Variants in GABRG3 observed in about 807,000 individuals in gnomAD.
GABRG3 encodes gamma-aminobutyric acid type A receptor subunit gamma3.
GABRG3 carries 25 observed loss-of-function variants against 48.8 expected under a neutral mutation model. That is an observed-to-expected ratio of 0.51 (90% CI 0.37 to 0.72). The LOEUF is 0.72. Ranked by LOEUF, GABRG3 falls within the 30% of genes least tolerant of loss-of-function variation. The pLI is 0.00. For missense variants in GABRG3, 394 were observed against 577.9 expected (o/e 0.68, Z 3.26); for synonymous variants, 227 against 217.6 (o/e 1.04, Z -0.38).
chr15:27,107,306 G>A (rs1238230171), intron 3 of GABRG3, among the ~76,000 whole-genome samples: 4 of 151,942 alleles, frequency 2.6e-5, no homozygotes, highest in Non-Finnish European at 5.9e-5. Context: ...CTGCATCAGT[G>A]GGTAGAATCG....
At chr15:27,420,471 T>G (rs2140610021) in intron 5 of GABRG3, among the ~76,000 whole-genome samples, 1 of 152,286 alleles carries the variant, frequency 6.6e-6, no homozygotes, top group African/African-American at 2.4e-5. Flanking sequence ...GGACACCCAG[T>G]GACTATGGTT....
chr15:27,478,227 C>G (rs952544436), intron 5 of GABRG3, among the ~76,000 whole-genome samples: 1 of 152,030 alleles, frequency 6.6e-6, no homozygotes, highest in African/African-American at 2.4e-5. Flanking sequence ...AGATGAACCA[C>G]AGAAAGGGAG....
At chr15:27,216,911 A>C (rs1367021653) in intron 3 of GABRG3, among the ~76,000 whole-genome samples, 1 of 146,174 alleles carries the variant, frequency 6.8e-6, no homozygotes, top group Admixed American at 6.9e-5. Flanking sequence ...ATATCTCCCA[A>C]TGCTATCCCT....
chr15:27,351,542 GTGTA>G (rs2140537043), intron 5 of GABRG3, among the ~76,000 whole-genome samples: 1 of 148,134 alleles, frequency 6.8e-6, no homozygotes, highest in South Asian at 2.2e-4. Flanking sequence ...GTGTTGGTGT[GTGTA>G]TGGTGTTTGT....
At chr15:27,036,491 A>C (rs1348215967) in intron 3 of GABRG3, among the ~76,000 whole-genome samples, 1 of 152,136 alleles carries the variant, frequency 6.6e-6, no homozygotes, top group Non-Finnish European at 1.5e-5. Flanking sequence ...GGAGTTGGAG[A>C]CCAGCCTGAC....
intron 3 of GABRG3, among the ~76,000 whole-genome samples, chr15:27,086,685 T>A (rs1897082562): frequency 6.6e-6 from 1 of 152,252 alleles, no homozygotes; most frequent in Admixed American, 6.5e-5. Context: ...GAATTGCTGC[T>A]GCTTAGGTAA....
intron 5 of GABRG3, among the ~76,000 whole-genome samples, chr15:27,357,413 A>G (rs1894877568): frequency 6.6e-6 from 1 of 152,242 alleles, no homozygotes; most frequent in Non-Finnish European, 1.5e-5. Context: ...GCTCTTAAAC[A>G]TTATTGGAAC....
intron 6 of GABRG3, among the ~76,000 whole-genome samples, chr15:27,487,303 G>A (rs1044556158): frequency 6.6e-6 from 1 of 152,146 alleles, no homozygotes; most frequent in Non-Finnish European, 1.5e-5. Context: ...CATGGGACCT[G>A]AATAAATTAT....
At chr15:27,174,705 A>G (rs6606882) in intron 3 of GABRG3, among the ~76,000 whole-genome samples, 82,801 of 151,656 alleles carry the variant, frequency 0.55, 23,279 homozygotes, top group African/African-American at 0.68. Context: ...ATTACTCTAT[A>G]TGATTCTCAG....
At chr15:27,048,202 C>A in intron 3 of GABRG3, among the ~76,000 whole-genome samples, 1 of 152,112 alleles carries the variant, frequency 6.6e-6, no homozygotes, top group Non-Finnish European at 1.5e-5. Context: ...AGGCTGTGTG[C>A]CTCTCATGTG....
intron 3 of GABRG3, among the ~76,000 whole-genome samples, chr15:27,106,876 A>G (rs541879494): frequency 6.6e-6 from 1 of 152,228 alleles, no homozygotes; most frequent in South Asian, 2.1e-4. Context: ...TCAGGGTTCA[A>G]TAAACAATCT....
chr15:27,440,353 A>G (rs1419506320), intron 5 of GABRG3, among the ~76,000 whole-genome samples: 3 of 152,198 alleles, frequency 2.0e-5, no homozygotes, highest in Admixed American at 6.5e-5. Context: ...TCATGTGTAT[A>G]TATTTGAGGT....
chr15:27,115,104 C>T (rs1180807317), intron 3 of GABRG3, among the ~76,000 whole-genome samples: 1 of 151,878 alleles, frequency 6.6e-6, no homozygotes, highest in Non-Finnish European at 1.5e-5. Context: ...AAGTGAGCTA[C>T]TTCTGTAATT....
rs1341160012 is a variant in GABRG3, at chr15:27,447,197, T to A, written c.575-33453T>A. On this transcript the variant is annotated intron_variant, in intron 5 of 9. Coordinates refer to ENST00000615808, the MANE Select transcript of GABRG3 (RefSeq NM_033223.5). This position sits in a 1 kb window ranked among gnomAD's most constrained non-coding sequence, Gnocchi z 4.0. ...GTAAGGCAAGGCTTGGGAAGAAGGTTCCCATTCCAACCAGAGACATAATTA... is the reference window on the plus strand; with the variant it reads ...GTAAGGCAAGGCTTGGGAAGAAGGTACCCATTCCAACCAGAGACATAATTA... Among the ~76,000 whole-genome samples, 1 of 152,052 alleles carries A rather than the reference T, an allele frequency of 6.6e-6. No homozygotes were observed. The highest frequency in any genetic ancestry group is 1.9e-4 in the East Asian group (1 of 5,186).
intron 3 of GABRG3, among the ~76,000 whole-genome samples, chr15:27,159,569 C>T (rs1433420369): frequency 1.3e-5 from 2 of 152,000 alleles, no homozygotes; most frequent in African/African-American, 2.4e-5. Flanking sequence ...TATTTTCCAT[C>T]ATGTTCCTAG....
chr15:27,376,462 C>G (rs1895599358), intron 5 of GABRG3, among the ~76,000 whole-genome samples: 1 of 152,202 alleles, frequency 6.6e-6, no homozygotes, highest in South Asian at 2.1e-4. Flanking sequence ...CATGAGGGCC[C>G]CACCCCTACA....
At chr15:27,308,251 CAT>C (rs368164545) in intron 3 of GABRG3, among the ~76,000 whole-genome samples, 1 of 115,146 alleles carries the variant, frequency 8.7e-6, no homozygotes, top group Non-Finnish European at 1.8e-5. Flanking sequence ...CATATATAAA[CAT>C]ACGTTTATAT....
At chr15:27,339,205 C>T (rs759874868) in intron 5 of GABRG3, among the ~76,000 whole-genome samples, 2 of 152,200 alleles carry the variant, frequency 1.3e-5, no homozygotes, top group Non-Finnish European at 2.9e-5. Context: ...GTGTGGACAT[C>T]CAAAAGGAAG....
At chr15:27,120,387 C>G (rs1343097553) in intron 3 of GABRG3, among the ~76,000 whole-genome samples, 1 of 152,156 alleles carries the variant, frequency 6.6e-6, no homozygotes, top group East Asian at 1.9e-4. Context: ...TGGCTGGCCT[C>G]TGGTGACATT....
Sources: allele counts gnomAD v4.1 joint callset (sites outside exome capture counted in the v4.1 genomes callset), GRCh38; gene constraint gnomAD v4.1.1; non-coding constraint Gnocchi (gnomAD v3.1); transcripts MANE v1.5; gene names NCBI Gene and HGNC (gene_info 2026-07-23, HGNC 2026-07-21).